The following GMDS variants were observed in gnomAD, a reference collection of about 807,000 sequenced individuals.
GMDS encodes GDP-mannose 4,6 dehydratase.
GMDS carries 20 observed loss-of-function variants against 49.9 expected under a neutral mutation model. The ratio of observed to expected loss-of-function variants is 0.40; its 90% CI spans 0.28 to 0.58. The LOEUF (loss-of-function observed/expected upper bound fraction) is 0.58, where lower values mean the gene tolerates loss of function less well. Among genes scored for constraint, GMDS ranks in the 20% least tolerant of loss-of-function variants. GMDS has a pLI of 0.42. For synonymous variants in GMDS, 177 were observed against 178.6 expected (o/e 0.99, Z 0.07); for missense variants, 362 against 481.4 (o/e 0.75, Z 2.32).
At chr6:2,042,357 A>C (rs1769735288) in intron 4 of GMDS, among the ~76,000 whole-genome samples, 1 of 152,136 alleles carries the variant, frequency 6.6e-6, no homozygotes, top group Non-Finnish European at 1.5e-5. Flanking sequence ...ACCCATCAGC[A>C]GGTCTCCTCT....
At chr6:2,243,914 C>G (rs1781736251) in intron 1 of GMDS, among the ~76,000 whole-genome samples, 1 of 116,956 alleles carries the variant, frequency 8.6e-6, no homozygotes, top group African/African-American at 3.3e-5. Context: ...GGCTGGAGTA[C>G]AGTGGTACCA....
chr6:1,880,159 AT>A (rs1759293954), intron 7 of GMDS, among the ~76,000 whole-genome samples: 1 of 151,970 alleles, frequency 6.6e-6, no homozygotes, highest in African/African-American at 2.4e-5. Flanking sequence ...TGTTATAAAA[AT>A]TTTTAGGCTG....
At chr6:1,918,548 C>T in intron 7 of GMDS, among the ~76,000 whole-genome samples, 1 of 151,554 alleles carries the variant, frequency 6.6e-6, no homozygotes, top group East Asian at 1.9e-4. Flanking sequence ...GAGTTCAAGA[C>T]CAGCCTGGGC....
chr6:2,084,802 C>T (rs9501801), intron 4 of GMDS, among the ~76,000 whole-genome samples: 8,032 of 152,152 alleles, frequency 0.053, 716 homozygotes, highest in African/African-American at 0.18. Flanking sequence ...CCACCATGCC[C>T]GGCCTAAATA....
chr6:2,160,703 T>A (rs1777354909), intron 1 of GMDS, among the ~76,000 whole-genome samples: 1 of 152,070 alleles, frequency 6.6e-6, no homozygotes, highest in African/African-American at 2.4e-5. Flanking sequence ...ACCTGGCTAA[T>A]TTTTTGTAGA....
At chr6:1,798,429 T>C (rs1769822379) in intron 7 of GMDS, among the ~76,000 whole-genome samples, 2 of 152,224 alleles carry the variant, frequency 1.3e-5, no homozygotes, top group Non-Finnish European at 1.5e-5. Context: ...ACTGTTTCTG[T>C]ACTTAGTTCT....
chr6:2,023,621 C>T (rs1395073030), intron 4 of GMDS, among the ~76,000 whole-genome samples: 1 of 152,064 alleles, frequency 6.6e-6, no homozygotes, highest in Non-Finnish European at 1.5e-5. Context: ...CAAAGAGGTA[C>T]AAGAAGGAAG....
At chr6:1,689,306 G>C (rs1765090837) in intron 9 of GMDS, among the ~76,000 whole-genome samples, 1 of 152,148 alleles carries the variant, frequency 6.6e-6, no homozygotes, top group African/African-American at 2.4e-5. Flanking sequence ...AGTCAAGAGA[G>C]CCCATAAAAT....
chr6:2,032,283 C>T (rs973585179), intron 4 of GMDS, among the ~76,000 whole-genome samples: 1 of 152,086 alleles, frequency 6.6e-6, no homozygotes, highest in Non-Finnish European at 1.5e-5. Context: ...GGAAAGTAGC[C>T]CAGGTCAAGG....
intron 7 of GMDS, among the ~76,000 whole-genome samples, chr6:1,907,151 C>T (rs1256136582): frequency 6.6e-6 from 1 of 152,170 alleles, no homozygotes; most frequent in African/African-American, 2.4e-5. Flanking sequence ...TCTCTCTACC[C>T]ATTTGACAAC....
At chr6:1,856,959 A>G (rs1384267185) in intron 7 of GMDS, among the ~76,000 whole-genome samples, 1 of 152,220 alleles carries the variant, frequency 6.6e-6, no homozygotes, top group Admixed American at 6.5e-5. Flanking sequence ...TTTTCAGCAC[A>G]CTTATCATCT....
chr6:2,139,384 G>A (rs1776168743), intron 1 of GMDS, among the ~76,000 whole-genome samples: 1 of 152,262 alleles, frequency 6.6e-6, no homozygotes, highest in East Asian at 1.9e-4. Flanking sequence ...GTATGCTAAT[G>A]TAGTCTTACC....
intron 9 of GMDS, among the ~76,000 whole-genome samples, chr6:1,678,214 CAGG>C (rs1338794802): frequency 2.0e-5 from 3 of 152,096 alleles, no homozygotes; most frequent in Non-Finnish European, 2.9e-5. Context: ...GTGCTTCTGG[CAGG>C]AGGAGGAGAA....
intron 7 of GMDS, among the ~76,000 whole-genome samples, chr6:1,757,671 GTTTC>G (rs1767998488): frequency 6.6e-6 from 1 of 152,206 alleles, no homozygotes. Context: ...GGCCCACTAG[GTTTC>G]TTGGTTGAAG....
chr6:1,750,334 G>A (rs745592499), intron 7 of GMDS, among the ~76,000 whole-genome samples: 23 of 152,208 alleles, frequency 1.5e-4, no homozygotes, highest in Non-Finnish European at 3.2e-4. Flanking sequence ...AGCTGCCAGT[G>A]AGATCAACGC....
chr6:2,205,985 GCA>G (rs2127579632), intron 1 of GMDS, among the ~76,000 whole-genome samples: 1 of 152,296 alleles, frequency 6.6e-6, no homozygotes, highest in South Asian at 2.1e-4. Flanking sequence ...ACGGCTGGGT[GCA>G]GTGGCTCACA....
intron 7 of GMDS, among the ~76,000 whole-genome samples, chr6:1,841,089 G>A (rs983600478): frequency 2.6e-5 from 4 of 152,138 alleles, no homozygotes; most frequent in African/African-American, 9.7e-5. Context: ...TAATTCTCGG[G>A]ATTTTTTTAA....
At chr6:2,245,246 C>G in intron 1 of GMDS, 75 bp downstream of exon 1, 1 of 1,036,888 alleles carries the variant, frequency 9.6e-7, no homozygotes, top group Non-Finnish European at 1.4e-6. Flanking sequence ...GACCGCAGCC[C>G]ACGAGTAGCG....
intron 4 of GMDS, among the ~76,000 whole-genome samples, chr6:1,986,624 T>C (rs1166128003): frequency 6.6e-6 from 1 of 152,176 alleles, no homozygotes; most frequent in Non-Finnish European, 1.5e-5. Flanking sequence ...AACACTACAG[T>C]ATGAAAATGA....
Sources: allele counts gnomAD v4.1 joint callset (sites outside exome capture counted in the v4.1 genomes callset), GRCh38; gene constraint gnomAD v4.1.1; transcripts MANE v1.5; gene names NCBI Gene and HGNC (gene_info 2026-07-23, HGNC 2026-07-21).